RNF152: variants seen among roughly 807,000 people sequenced by gnomAD.
RNF152 encodes the protein ring finger protein 152, also known as E3 ubiquitin-protein ligase RNF152.
RNF152 carries 11 observed loss-of-function variants against 12.7 expected under a neutral mutation model. The observed-to-expected ratio is 0.86, with a 90% CI of 0.54 to 1.43. The LOEUF is 1.43. Ranked by LOEUF, RNF152 falls within the 40% of genes most tolerant of loss-of-function variation. The pLI, the probability that RNF152 is intolerant of heterozygous loss-of-function variation, is 0.00. For synonymous variants in RNF152, 113 were observed against 120.3 expected (o/e 0.94, Z 0.40); for missense variants, 255 against 274.8 (o/e 0.93, Z 0.51).
intron 1 of RNF152, among the ~76,000 whole-genome samples, chr18:61,849,777 G>C (rs961809212): frequency 6.6e-6 from 1 of 152,228 alleles, no homozygotes; most frequent in South Asian, 2.1e-4. Context: ...ATGTTGCCCA[G>C]GCTGGTCTTG....
Position 61,808,665 on chromosome 18 carries a change from A to G in RNF152, c.*7187T>C, listed in dbSNP as rs1028137418. On this transcript the variant is annotated 3_prime_UTR_variant, in exon 2 of 2. Coordinates refer to ENST00000312828, the MANE Select transcript of RNF152 (RefSeq NM_173557.3). Reference sequence around the variant, plus strand: ...TGACTGTTGAGTGAGGCAAACACAAACAAGTGGTGAAATGAAAAAATATAT... The same window carrying G: ...TGACTGTTGAGTGAGGCAAACACAAGCAAGTGGTGAAATGAAAAAATATAT... 2 of 152,196 alleles carry G rather than the reference A, an allele frequency of 1.3e-5. No homozygotes were observed. Among genetic ancestry groups the G allele is most frequent in the Admixed American group, 1.3e-4 (2 of 15,280 alleles). 9.4% of individuals were successfully genotyped at this position (152,196 alleles called of 1,614,324 possible). A position where few individuals can be genotyped will look rare whatever the true frequency, so the allele number is the denominator to read the frequency against.
In RNF152 at chr18:61,887,001, G is replaced by A. The variant is rs1245322954; in HGVS notation, c.-136+5794C>T. 3.3e-5 allele frequency among the ~76,000 whole-genome samples: 5 copies of A among 152,218 alleles called. No homozygotes were observed. In the South Asian group the frequency reaches 8.3e-4, roughly 25 times the overall value. On this transcript the variant is annotated intron_variant, in intron 1 of 1. Coordinates refer to ENST00000312828, the MANE Select transcript of RNF152 (RefSeq NM_173557.3). ...GCTTCGATGATAGGATAGAGGCAGA[G>A]GAAGGAAGAGGACATTTTAGGCCAC...
At chr18:61,893,916 A>G (rs1045799200), upstream of RNF152, among the ~76,000 whole-genome samples, 10 of 150,810 alleles carry the variant, frequency 6.6e-5, no homozygotes, top group African/African-American at 2.2e-4. Flanking sequence ...AACTCCCGGG[A>G]CCACCTCCCC....
At chr18:61,820,020 CAA>C (rs1165545204) in intron 1 of RNF152, among the ~76,000 whole-genome samples, 36 of 64,348 alleles carry the variant, frequency 5.6e-4, no homozygotes, top group South Asian at 2.9e-3. Context: ...GACACTATCT[CAA>C]AAAAAAAAAA....
At chr18:61,823,598 C>T (rs1909521863) in intron 1 of RNF152, among the ~76,000 whole-genome samples, 1 of 152,240 alleles carries the variant, frequency 6.6e-6, no homozygotes, top group South Asian at 2.1e-4. Context: ...CACGCCCAGC[C>T]TTTTGGTTAT....
At chr18:61,865,966 G>C (rs915719124) in intron 1 of RNF152, among the ~76,000 whole-genome samples, 3 of 152,158 alleles carry the variant, frequency 2.0e-5, no homozygotes, top group East Asian at 1.9e-4. Context: ...ATGATATAAG[G>C]CTTCTTAAAT....
At chr18:61,825,686 C>A (rs1419484544) in intron 1 of RNF152, among the ~76,000 whole-genome samples, 1 of 152,126 alleles carries the variant, frequency 6.6e-6, no homozygotes, top group East Asian at 1.9e-4. Context: ...GCCTTAGGGA[C>A]TGCAAGGGCC....
chr18:61,840,302 T>C (rs1910393751), intron 1 of RNF152, among the ~76,000 whole-genome samples: 1 of 152,206 alleles, frequency 6.6e-6, no homozygotes, highest in South Asian at 2.1e-4. Flanking sequence ...TATTTTGCTA[T>C]AGCAGCCTGA....
At chr18:61,846,636 G>A (rs1371058625) in intron 1 of RNF152, among the ~76,000 whole-genome samples, 3 of 152,170 alleles carry the variant, frequency 2.0e-5, no homozygotes, top group South Asian at 2.1e-4. Context: ...TAAGCTCCAC[G>A]AGTACTTGCT....
intron 1 of RNF152, among the ~76,000 whole-genome samples, chr18:61,861,134 C>CT: frequency 6.6e-6 from 1 of 152,090 alleles, no homozygotes; most frequent in Non-Finnish European, 1.5e-5. Context: ...TGAGTGTAGT[C>CT]TAAGTGTACT....
At chr18:61,866,084 C>T (rs1436773763) in intron 1 of RNF152, among the ~76,000 whole-genome samples, 2 of 152,154 alleles carry the variant, frequency 1.3e-5, no homozygotes, top group Non-Finnish European at 2.9e-5. Context: ...AGGAATATTC[C>T]TGGCCATATA....
At chr18:61,889,072 G>A (rs1912827793) in intron 1 of RNF152, among the ~76,000 whole-genome samples, 1 of 152,142 alleles carries the variant, frequency 6.6e-6, no homozygotes. Flanking sequence ...ACCCTGAATG[G>A]GTTTTTGGAT....
At position 61,856,466 on chromosome 18, in the gene RNF152, T is replaced by C. The variant is rs115395605; in HGVS notation, c.-136+36329A>G. ...CAGGCACAGAAAGGAAGGGAGGGGA[T>C]GGGAAGACAGTCTTGAGATGCAAAT... On this transcript the variant is annotated intron_variant, in intron 1 of 1. Transcript: ENST00000312828. Among the ~76,000 whole-genome samples, 1,210 of 152,226 alleles carry C rather than the reference T, an allele frequency of 7.9e-3. 17 individuals carry two copies. The highest frequency in any genetic ancestry group is 0.028 in the African/African-American group (1,151 of 41,524).
chr18:61,816,149 G>A lies in RNF152; in HGVS notation c.315C>T (p.Pro105=). The change falls in exon 2 of 2, where the codon CCC becomes CCT. Residue 105 remains proline, a synonymous_variant. Coordinates refer to ENST00000312828, the MANE Select transcript of RNF152 (RefSeq NM_173557.3). ...GCAGCAGCGCACGCTCCTTGGAGAT[G>A]GGCAGGGGCAGCATGTAGCACCCAT... is the stretch of plus-strand genomic sequence containing the variant. ...PSNGCYMLPL[P]ISKERALLPG... is the part of the protein sequence containing the mutation. 2 of 1,614,226 alleles carry A rather than the reference G, an allele frequency of 1.2e-6. No individual in the cohort carries two copies. Among genetic ancestry groups the A allele is most frequent in the South Asian group, 2.2e-5 (2 of 91,080 alleles).
At chr18:61,880,701 T>G (rs1422343411) in intron 1 of RNF152, among the ~76,000 whole-genome samples, 2 of 152,234 alleles carry the variant, frequency 1.3e-5, no homozygotes, top group African/African-American at 4.8e-5. Flanking sequence ...TTCCATGTCA[T>G]TTTGTAAAAC....
At chr18:61,867,925 C>T (rs4072460) in intron 1 of RNF152, among the ~76,000 whole-genome samples, 50,166 of 152,124 alleles carry the variant, frequency 0.33, 8,971 homozygotes, top group Middle Eastern at 0.45. Flanking sequence ...TACAACTTTA[C>T]TATTATGTAA....
At position 61,859,134 on chromosome 18, in the gene RNF152, C is replaced by T. The variant is rs889878324; in HGVS notation, c.-136+33661G>A. Among the ~76,000 whole-genome samples the T allele has an allele frequency of 1.1e-4, 17 of 152,152 alleles. 1 individual carries two copies. The highest frequency in any genetic ancestry group is 2.2e-4 in the Non-Finnish European group (15 of 68,036). On this transcript the variant is annotated intron_variant, in intron 1 of 1. Coordinates refer to ENST00000312828, the MANE Select transcript of RNF152 (RefSeq NM_173557.3). The stretch of plus-strand genomic sequence containing the variant: ...TCACCACCATTCAGATGCCACTATG[C>T]ACTTGTTCCACCTCGCAGACTGGGA...
At chr18:61,819,691 G>C (rs1909284944) in intron 1 of RNF152, among the ~76,000 whole-genome samples, 2 of 152,162 alleles carry the variant, frequency 1.3e-5, no homozygotes. Context: ...GGAGGTGCTG[G>C]GGAAGGTATT....
intron 1 of RNF152, among the ~76,000 whole-genome samples, chr18:61,879,092 G>A (rs371124692): frequency 1.4e-3 from 220 of 152,256 alleles, no homozygotes; most frequent in African/African-American, 5.2e-3. Flanking sequence ...AGTACAGTCT[G>A]CCCTCCATAT....
Sources: allele counts gnomAD v4.1 joint callset (sites outside exome capture counted in the v4.1 genomes callset), GRCh38; gene constraint gnomAD v4.1.1; transcripts MANE v1.5; gene names NCBI Gene and HGNC (gene_info 2026-07-23, HGNC 2026-07-21).